Variants in DENND1A observed in about 807,000 individuals in gnomAD.
DENND1A encodes DENN domain-containing protein 1A.
DENND1A carries 51 observed loss-of-function variants against 113.7 expected under a neutral mutation model. The ratio of observed to expected loss-of-function variants is 0.45; its 90% CI spans 0.36 to 0.57. The LOEUF is 0.57. DENND1A is among the 20% of genes least tolerant of loss of function. DENND1A has a pLI of 0.00. For synonymous variants in DENND1A, 565 were observed against 570.8 expected (o/e 0.99, Z 0.14); for missense variants, 1,258 against 1,395.9 (o/e 0.90, Z 1.57).
At chr9:123,635,437 C>T (rs2061656510) in intron 9 of DENND1A, among the ~76,000 whole-genome samples, 1 of 152,202 alleles carries the variant, frequency 6.6e-6, no homozygotes, top group Non-Finnish European at 1.5e-5. Flanking sequence ...AATATAATGG[C>T]CACTGTGTTT....
chr9:123,651,913 G>C, intron 9 of DENND1A, 100 bp downstream of exon 9: 1 of 965,404 alleles, frequency 1.0e-6, no homozygotes. Context: ...TAAGGGGACT[G>C]TAGCTGACTC....
chr9:123,531,461 TAGAA>T (rs1425631822), intron 13 of DENND1A, among the ~76,000 whole-genome samples: 3 of 151,782 alleles, frequency 2.0e-5, no homozygotes, highest in African/African-American at 4.8e-5. Context: ...GCAAGAATAA[TAGAA>T]AGAATTACCA....
At chr9:123,645,248 T>C (rs2062253717) in intron 9 of DENND1A, among the ~76,000 whole-genome samples, 1 of 152,214 alleles carries the variant, frequency 6.6e-6, no homozygotes, top group Admixed American at 6.5e-5. Context: ...ACTCGAGTGC[T>C]AGACAGCTTT....
chr9:123,880,874 T>G (rs1564437176), intron 1 of DENND1A, among the ~76,000 whole-genome samples: 1 of 152,208 alleles, frequency 6.6e-6, no homozygotes, highest in African/African-American at 2.4e-5. Context: ...AGCCGGCATT[T>G]TTTCCTAGTA....
At chr9:123,759,422 T>C (rs1263804487) in intron 4 of DENND1A, 1 of 152,172 alleles carries the variant, frequency 6.6e-6, no homozygotes, top group Non-Finnish European at 1.5e-5. Context: ...CTATTGTTGT[T>C]ATTATTATTA....
At position 123,929,955 on chromosome 9, in the gene DENND1A, G is replaced by A; in HGVS notation, c.-50C>T. On this transcript the variant is annotated 5_prime_UTR_variant, in exon 1 of 24. Transcript: ENST00000394215. The stretch of plus-strand genomic sequence containing the variant: ...CGCGGGCCCCGCTCGGCGCTGCGCT[G>A]CCCGCCCGCCCGCGGCCGACCGGCC... The A allele has an allele frequency of 3.4e-6, 1 of 295,496 alleles. No individual in the cohort carries two copies. The highest frequency in any genetic ancestry group is 9.9e-5 in the South Asian group (1 of 10,082). The allele number at this position is 295,496 out of a possible 1,614,324, so 18.3% of individuals were successfully genotyped here.
chr9:123,506,791 C>A (rs1005847209), intron 13 of DENND1A, among the ~76,000 whole-genome samples: 1 of 152,050 alleles, frequency 6.6e-6, no homozygotes, highest in Non-Finnish European at 1.5e-5. Context: ...TGTCTTCAGT[C>A]CAGGGTTCTT....
chr9:123,431,092 C>T lies in DENND1A; in HGVS notation c.1488+9268G>A, dbSNP rs1217304665. ...AAGCCATACCTGAAGCTAGCATAAGCCAACAATTTCTCTTTTGGATTTTAT... is the reference window on the plus strand; with the variant it reads ...AAGCCATACCTGAAGCTAGCATAAGTCAACAATTTCTCTTTTGGATTTTAT... On this transcript the variant is annotated intron_variant, in intron 19 of 23. Transcript: ENST00000394215. Among the ~76,000 whole-genome samples the T allele has an allele frequency of 7.2e-5, 11 of 152,126 alleles. No homozygotes were observed. In the South Asian group the frequency reaches 2.3e-3, roughly 31 times the overall value.
chr9:123,386,916 G>A (rs2042595118), intron 22 of DENND1A, among the ~76,000 whole-genome samples: 1 of 152,224 alleles, frequency 6.6e-6, no homozygotes, highest in Non-Finnish European at 1.5e-5. Context: ...TGAGGGAGAG[G>A]GAGGGAAAGG....
Position 123,411,807 on chromosome 9 carries a change from CGGGTG to C in DENND1A, c.1506_1510del (p.Arg504AlafsTer19). The C allele has an allele frequency of 1.0e-6, 1 of 985,904 alleles. No homozygotes were observed. 61.1% of individuals were successfully genotyped at this position (985,904 alleles called of 1,614,324 possible). A position where few individuals can be genotyped will look rare whatever the true frequency, so the allele number is the denominator to read the frequency against. On this transcript the variant is annotated frameshift_variant, in exon 20 of 24. Coordinates refer to ENST00000394215, the MANE Select transcript of DENND1A (RefSeq NM_001352964.2). LOFTEE classifies it high-confidence loss of function. ...CGAGCGCTGTATCTTGGGAGGCGGT[CGGGTG>C]GGACGCAGTCTCTGCAGCTGCATTA...
intron 13 of DENND1A, among the ~76,000 whole-genome samples, chr9:123,462,436 T>C (rs890148687): frequency 3.3e-5 from 5 of 152,214 alleles, no homozygotes; most frequent in African/African-American, 1.2e-4. Flanking sequence ...CAGGCCTGGC[T>C]TCTCCCTGCA....
Position 123,395,878 on chromosome 9 carries a change from T to C in DENND1A, c.1631+7524A>G, listed in dbSNP as rs1046534032. 2.0e-5 allele frequency among the ~76,000 whole-genome samples: 3 copies of C among 152,168 alleles called. No individual in the cohort carries two copies. The South Asian group carries it at 6.2e-4, about 32-fold the overall frequency. On this transcript the variant is annotated intron_variant, in intron 21 of 23. Transcript: ENST00000394215. ...TCTGCCTTCAGATTCCTTTGTTCAT[T>C]CACCCAGGAAACATCTCAGAGCAGA... is the stretch of plus-strand genomic sequence containing the variant.
intron 9 of DENND1A, among the ~76,000 whole-genome samples, chr9:123,632,352 C>A (rs1374715203): frequency 3.9e-5 from 6 of 152,098 alleles, no homozygotes; most frequent in African/African-American, 1.4e-4. Flanking sequence ...TCCATAGGTA[C>A]CCATATAAAG....
chr9:123,857,778 G>A (rs1844432384), intron 2 of DENND1A, among the ~76,000 whole-genome samples: 1 of 152,196 alleles, frequency 6.6e-6, no homozygotes, highest in African/African-American at 2.4e-5. Flanking sequence ...ACATTAAACT[G>A]GCCAGGGGCA....
chr9:123,854,488 G>A (rs1843848613), intron 2 of DENND1A, among the ~76,000 whole-genome samples: 1 of 152,106 alleles, frequency 6.6e-6, no homozygotes, highest in Non-Finnish European at 1.5e-5. Flanking sequence ...CTGAGGTCAG[G>A]AGTTTGAGAC....
At chr9:123,902,631 G>A (rs1034237489) in intron 1 of DENND1A, among the ~76,000 whole-genome samples, 3 of 152,084 alleles carry the variant, frequency 2.0e-5, no homozygotes, top group African/African-American at 7.2e-5. Context: ...CATTGCAAAT[G>A]AGAGAAAAGC....
intron 5 of DENND1A, among the ~76,000 whole-genome samples, chr9:123,711,507 A>ATG (rs2066608362): frequency 3.0e-5 from 2 of 65,738 alleles, no homozygotes; most frequent in Admixed American, 1.7e-4. Context: ...ATATATATGT[A>ATG]TATATGTATA....
intron 2 of DENND1A, among the ~76,000 whole-genome samples, chr9:123,810,671 GGGCCACATACAGCCCCA>G: frequency 1.3e-5 from 2 of 151,624 alleles, no homozygotes; most frequent in South Asian, 4.2e-4. Context: ...AAGCCATCCT[GGGCCACATACAGCCCCA>G]GGCCATGGGT....
At chr9:123,406,131 A>G (rs1192165366) in intron 20 of DENND1A, among the ~76,000 whole-genome samples, 2 of 152,246 alleles carry the variant, frequency 1.3e-5, no homozygotes. Context: ...CACAGATGAT[A>G]GAAGCTGGCT....
Sources: allele counts gnomAD v4.1 joint callset (sites outside exome capture counted in the v4.1 genomes callset), GRCh38; gene constraint gnomAD v4.1.1; transcripts MANE v1.5; gene names NCBI Gene and HGNC (gene_info 2026-07-23, HGNC 2026-07-21).